MGA: variants seen among roughly 807,000 people sequenced by gnomAD.
MGA encodes the protein MAX gene-associated protein.
MGA carries 40 observed loss-of-function variants against 261.1 expected under a neutral mutation model. The ratio of observed to expected loss-of-function variants is 0.15; its 90% CI spans 0.12 to 0.20. The LOEUF (loss-of-function observed/expected upper bound fraction) is 0.20, where lower values mean the gene tolerates loss of function less well. Ranked by LOEUF, MGA falls within the 10% of genes least tolerant of loss-of-function variation. The pLI is 1.00. For synonymous variants in MGA, 1,302 were observed against 1,290.6 expected, an observed-to-expected ratio of 1.01 and a Z score of -0.19; for missense variants, 3,397 against 3,630.5, an observed-to-expected ratio of 0.94 and a Z score of 1.65.
intron 19 of MGA, among the ~76,000 whole-genome samples, chr15:41,759,311 C>T (rs1055828385): frequency 1.4e-4 from 22 of 151,998 alleles, no homozygotes; most frequent in Non-Finnish European, 1.5e-5. Context: ...GCTTATGTTA[C>T]TATTTTTGGT....
At chr15:41,693,204 A>G (rs991153871) in intron 2 of MGA, among the ~76,000 whole-genome samples, 1 of 151,864 alleles carries the variant, frequency 6.6e-6, no homozygotes. Context: ...CATGTGCACA[A>G]TGTGCAGGTT....
chr15:41,641,922 A>C (rs896168311), intron 1 of MGA, among the ~76,000 whole-genome samples: 2 of 152,002 alleles, frequency 1.3e-5, no homozygotes, highest in African/African-American at 2.4e-5. Flanking sequence ...CAGCCTCCCA[A>C]GTAGCTGGGA....
intron 1 of MGA, among the ~76,000 whole-genome samples, chr15:41,626,815 C>T (rs1232663970): frequency 6.6e-6 from 1 of 152,100 alleles, no homozygotes; most frequent in Non-Finnish European, 1.5e-5. Flanking sequence ...TCCAGCTTTT[C>T]CCATTATTAA....
chr15:41,709,648 C>T (rs1330216883), intron 7 of MGA, among the ~76,000 whole-genome samples: 3 of 151,904 alleles, frequency 2.0e-5, no homozygotes, highest in African/African-American at 7.3e-5. Context: ...GTTGCCCAGC[C>T]TGGTCTTGAA....
At position 41,750,308 on chromosome 15, in the gene MGA, C is replaced by T. The variant is rs779223764; in HGVS notation, c.6701C>T (p.Ala2234Val). 1.2e-5 allele frequency: 20 copies of T among 1,613,998 alleles called. 1 individual carries two copies. In the South Asian group the frequency reaches 2.2e-4, roughly 18 times the overall value. Reference sequence around the variant, plus strand: ...GGAAAAAGTGGAATTACTGAAGATGCCAGAGTTTTGAAAACTGAATGTGAT... The same window carrying T: ...GGAAAAAGTGGAATTACTGAAGATGTCAGAGTTTTGAAAACTGAATGTGAT... Residue 2234 changes from alanine (A) to valine (V), a missense_variant, in exon 17 of 24, where the codon GCC becomes GTC. Physicochemically the swap from Ala to Val is moderately conservative, Grantham distance 64 (BLOSUM62 0). Transcript: ENST00000219905.
chr15:41,639,669 A>G (rs540275304), intron 1 of MGA, among the ~76,000 whole-genome samples: 1 of 151,976 alleles, frequency 6.6e-6, no homozygotes, highest in African/African-American at 2.4e-5. Flanking sequence ...CTCAGCCACT[A>G]GAGTAGCTGG....
At chr15:41,706,585 C>CCTT (rs1555420400) in intron 5 of MGA, among the ~76,000 whole-genome samples, 1 of 136,510 alleles carries the variant, frequency 7.3e-6, no homozygotes, top group African/African-American at 2.7e-5. Flanking sequence ...TTTTTTTTCC[C>CCTT]TTTTTTTTTT....
At chr15:41,760,282 T>A (rs1226436087) in intron 19 of MGA, 41 bp from the exon 20 acceptor site, 1 of 1,595,354 alleles carries the variant, frequency 6.3e-7, no homozygotes, top group Admixed American at 1.7e-5. Context: ...GAGGGCCAAC[T>A]ACATGTTCAA....
chr15:41,724,790 T>C (rs1178594107), intron 9 of MGA, among the ~76,000 whole-genome samples: 2 of 152,184 alleles, frequency 1.3e-5, no homozygotes, highest in African/African-American at 4.8e-5. Flanking sequence ...CTCAATCACT[T>C]TCTAGCTTTG....
In MGA at chr15:41,754,507, A is replaced by G; in HGVS notation, c.7079A>G (p.Glu2360Gly). ...ATTGAGACTGTAGAAGAGCTCTCAG[A>G]GGAAATTAATGTTGCTCACCTGAAG... Residue 2360 changes from glutamate to glycine, a missense_variant, in exon 18 of 24, where the codon GAG (glutamate) becomes GGG (glycine). Around this residue, in one of 9 missense-constraint regions of MGA, gnomAD observed 1,410 missense variants for 1,386.4 expected, o/e 1.02. Transcript: ENST00000219905. 1.3e-6 allele frequency: 2 copies of G among 1,580,294 alleles called. No homozygotes were observed. Among genetic ancestry groups the G allele is most frequent in the Admixed American group, 3.6e-5 (2 of 54,842 alleles).
At chr15:41,633,202 G>C (rs1430718915) in intron 1 of MGA, among the ~76,000 whole-genome samples, 1 of 151,996 alleles carries the variant, frequency 6.6e-6, no homozygotes, top group Non-Finnish European at 1.5e-5. Flanking sequence ...CCCCTGCCTT[G>C]GCCTCCCAAA....
intron 1 of MGA, among the ~76,000 whole-genome samples, chr15:41,643,097 G>C (rs2056858102): frequency 6.7e-6 from 1 of 149,960 alleles, no homozygotes; most frequent in Admixed American, 6.6e-5. Context: ...TTTAGAAACA[G>C]GGTCTTGCTG....
At chr15:41,627,147 C>A (rs1471096468) in intron 1 of MGA, among the ~76,000 whole-genome samples, 1 of 152,174 alleles carries the variant, frequency 6.6e-6, no homozygotes, top group African/African-American at 2.4e-5. Context: ...AAGTGATCTG[C>A]TCTCCTTGGC....
chr15:41,640,407 G>T (rs1248220499), intron 1 of MGA, among the ~76,000 whole-genome samples: 1 of 152,198 alleles, frequency 6.6e-6, no homozygotes, highest in Admixed American at 6.5e-5. Context: ...ATTTACAAAG[G>T]AGTTGTTGAG....
chr15:41,704,593 G>A (rs1044234716), intron 5 of MGA, among the ~76,000 whole-genome samples: 2 of 152,210 alleles, frequency 1.3e-5, no homozygotes, highest in Non-Finnish European at 2.9e-5. Flanking sequence ...GGGAGGCGGA[G>A]CTTGCAGTGA....
intron 1 of MGA, among the ~76,000 whole-genome samples, chr15:41,661,541 G>C (rs1001500408): frequency 6.6e-6 from 1 of 152,130 alleles, no homozygotes; most frequent in Non-Finnish European, 1.5e-5. Flanking sequence ...GGTAAATGAG[G>C]TCTGAAAGGA....
chr15:41,754,587 G>A lies in MGA; in HGVS notation c.7139+20G>A. Reference sequence around the variant, plus strand: ...ACAGCCGTAAGTCTTATTTCTCTTTGGATTGTTGTTTTTGTAGTTTTGTAA... The same window carrying A: ...ACAGCCGTAAGTCTTATTTCTCTTTAGATTGTTGTTTTTGTAGTTTTGTAA... On this transcript the variant is annotated intron_variant, in intron 18 of 23. Transcript: ENST00000219905. 3 of 1,534,258 alleles carry A rather than the reference G, an allele frequency of 2.0e-6. No individual in the cohort carries two copies. Among genetic ancestry groups the A allele is most frequent in the Non-Finnish European group, 2.6e-6 (3 of 1,140,142 alleles).
chr15:41,734,450 CT>C, intron 11 of MGA, 71 bp from the exon 12 acceptor site: 1 of 1,189,320 alleles, frequency 8.4e-7, no homozygotes, highest in South Asian at 1.4e-5. Context: ...AGATTTAATG[CT>C]TGTGTCCAAG....
chr15:41,762,459 T>TG (rs1214360608), intron 22 of MGA, 97 bp downstream of exon 22: 2 of 493,454 alleles, frequency 4.1e-6, no homozygotes, highest in Admixed American at 4.9e-5. Context: ...TAGTTTTGTG[T>TG]GGTTTTTTTT....
Sources: allele counts gnomAD v4.1 joint callset (sites outside exome capture counted in the v4.1 genomes callset), GRCh38; gene constraint gnomAD v4.1.1; regional missense constraint gnomAD v4.1.1; transcripts MANE v1.5; gene names NCBI Gene and HGNC (gene_info 2026-07-23, HGNC 2026-07-21).